PDE1C: variants seen among roughly 807,000 people sequenced by gnomAD.
The protein encoded by PDE1C is dual specificity calcium/calmodulin-dependent 3',5'-cyclic nucleotide phosphodiesterase 1C.
Under a neutral mutation model 93.1 loss-of-function variants are expected in PDE1C, and 62 were observed. That is an observed-to-expected ratio of 0.67 (90% CI 0.54 to 0.82). The LOEUF is 0.82. Among genes scored for constraint, PDE1C ranks in the 40% least tolerant of loss-of-function variants. PDE1C has a pLI of 0.00. For synonymous variants in PDE1C, 325 were observed against 310.1 expected (o/e 1.05, Z -0.50); for missense variants, 742 against 884.6 (o/e 0.84, Z 2.04).
chr7:31,772,538 T>C (rs1293247820), intron 17 of PDE1C, among the ~76,000 whole-genome samples: 3 of 151,798 alleles, frequency 2.0e-5, no homozygotes, highest in Non-Finnish European at 4.4e-5. Flanking sequence ...GTTCCCAGAG[T>C]TGTTTGTCTC....
At chr7:32,074,264 C>T (rs978009851), upstream of PDE1C, among the ~76,000 whole-genome samples, 42 of 152,092 alleles carry the variant, frequency 2.8e-4, 1 homozygote, top group Non-Finnish European at 3.5e-4. Context: ...AGAATGACCC[C>T]CCTGGTCTCT....
chr7:32,395,886 T>C (rs1784832228), intron 1 of PDE1C, among the ~76,000 whole-genome samples: 1 of 152,234 alleles, frequency 6.6e-6, no homozygotes, highest in Non-Finnish European at 1.5e-5. Flanking sequence ...TATTTTACTT[T>C]CTTTACTTTT....
chr7:32,302,379 A>G (rs1317622504), upstream of PDE1C, among the ~76,000 whole-genome samples: 1 of 152,222 alleles, frequency 6.6e-6, no homozygotes, highest in Non-Finnish European at 1.5e-5. Context: ...AATAGCTAAG[A>G]CTAATTAGGT....
the PDE1C span, among the ~76,000 whole-genome samples, chr7:31,723,984 C>G: frequency 6.6e-6 from 1 of 152,118 alleles, no homozygotes; most frequent in Admixed American, 6.5e-5. Flanking sequence ...TATATCATCT[C>G]AGGGTCAGGG....
chr7:32,361,276 A>T (rs1057466206), intron 1 of PDE1C, among the ~76,000 whole-genome samples: 4 of 152,178 alleles, frequency 2.6e-5, no homozygotes, highest in Non-Finnish European at 5.9e-5. Flanking sequence ...CAAAGGCAGG[A>T]TGCCCTAAGA....
intron 17 of PDE1C, among the ~76,000 whole-genome samples, chr7:31,761,968 T>C (rs550334635): frequency 2.6e-5 from 4 of 152,308 alleles, no homozygotes; most frequent in Non-Finnish European, 5.9e-5. Flanking sequence ...AAATATATCA[T>C]ACATGTGAAA....
At chr7:32,303,636 G>A (rs902068490), upstream of PDE1C, among the ~76,000 whole-genome samples, 5 of 152,058 alleles carry the variant, frequency 3.3e-5, no homozygotes, top group African/African-American at 1.2e-4. Flanking sequence ...CTAATTAAAC[G>A]GGGAAGATAA....
At chr7:32,356,602 A>G (rs983435594) in intron 1 of PDE1C, among the ~76,000 whole-genome samples, 4 of 152,236 alleles carry the variant, frequency 2.6e-5, no homozygotes, top group African/African-American at 9.6e-5. Flanking sequence ...CTCTGGCCAC[A>G]AAAGAAGTAC....
At chr7:32,204,940 T>C (rs527505523) in intron 2 of PDE1C, among the ~76,000 whole-genome samples, 1 of 152,218 alleles carries the variant, frequency 6.6e-6, no homozygotes, top group Non-Finnish European at 1.5e-5. Context: ...AACTCATCTG[T>C]GTTATCTCCA....
chr7:31,723,219 C>G, the PDE1C span, among the ~76,000 whole-genome samples: 2 of 152,252 alleles, frequency 1.3e-5, no homozygotes, highest in East Asian at 3.9e-4. Flanking sequence ...TCTGCCAGGT[C>G]CATTAGATGT....
the PDE1C span, among the ~76,000 whole-genome samples, chr7:31,681,176 A>G: frequency 2.0e-5 from 3 of 152,214 alleles, no homozygotes; most frequent in African/African-American, 7.2e-5. Flanking sequence ...TGAGAGGGGT[A>G]GGTAAACGGC....
intron 2 of PDE1C, among the ~76,000 whole-genome samples, chr7:31,895,863 T>C (rs1194241373): frequency 6.6e-6 from 1 of 152,148 alleles, no homozygotes; most frequent in South Asian, 2.1e-4. Context: ...TTTTGCCTTC[T>C]GCCATGATTG....
intron 1 of PDE1C, among the ~76,000 whole-genome samples, chr7:32,381,314 C>T (rs1188601543): frequency 6.6e-6 from 1 of 151,996 alleles, no homozygotes; most frequent in Non-Finnish European, 1.5e-5. Context: ...CCCACCCCAC[C>T]TGCGTTTTCA....
Position 32,251,385 on chromosome 7 carries a change from C to G in PDE1C, c.86-41846G>C, listed in dbSNP as rs116951629. 1.9e-3 allele frequency among the ~76,000 whole-genome samples: 296 copies of G among 152,342 alleles called. 8 individuals are homozygous for G. In the East Asian group the frequency reaches 0.038, roughly 20 times the overall value. ...GCTGCAACTCAGGCAAGGGCACCAT[C>G]ATCTACCCGGTTTTCCAGACCAGGC... On this transcript the variant is annotated intron_variant, in intron 1 of 18. Coordinates refer to the PDE1C transcript ENST00000396193.
chr7:32,006,015 G>A (rs1786202428), intron 2 of PDE1C, among the ~76,000 whole-genome samples: 1 of 152,010 alleles, frequency 6.6e-6, no homozygotes, highest in African/African-American at 2.4e-5. Flanking sequence ...TCTTTAAAAT[G>A]TCATTATTGC....
At chr7:31,625,557 G>T in the PDE1C span, among the ~76,000 whole-genome samples, 1 of 152,046 alleles carries the variant, frequency 6.6e-6, no homozygotes, top group Non-Finnish European at 1.5e-5. Flanking sequence ...TCACTCATAG[G>T]TGGGAATTGA....
intron 1 of PDE1C, among the ~76,000 whole-genome samples, chr7:32,232,143 G>GA (rs904372597): frequency 7.3e-5 from 11 of 151,246 alleles, no homozygotes; most frequent in South Asian, 2.1e-4. Flanking sequence ...CAGATTAAGG[G>GA]AAAAAAAACA....
At chr7:31,847,281 C>T (rs1159398415) in intron 9 of PDE1C, among the ~76,000 whole-genome samples, 1 of 152,130 alleles carries the variant, frequency 6.6e-6, no homozygotes, top group Non-Finnish European at 1.5e-5. Context: ...TATTGAGTCA[C>T]TTCCCGAATG....
At chr7:32,321,375 T>TC (rs1335002985) in intron 1 of PDE1C, among the ~76,000 whole-genome samples, 1 of 152,198 alleles carries the variant, frequency 6.6e-6, no homozygotes, top group Admixed American at 6.5e-5. Flanking sequence ...GGTTGGAATC[T>TC]CTAAACCATT....
Sources: gnomAD v4.1 joint callset for allele counts (sites outside exome capture counted in the v4.1 genomes callset) on GRCh38, gnomAD v4.1.1 for gene constraint, MANE v1.5 for transcripts, NCBI Gene and HGNC (gene_info 2026-07-23, HGNC 2026-07-21) for gene names.